Variants in PRKAR1A observed in about 807,000 individuals in gnomAD.
The protein encoded by PRKAR1A is cAMP-dependent protein kinase type I-alpha regulatory subunit.
In PRKAR1A, 3 loss-of-function variants were observed where a neutral mutation model predicts 52.0. That is an observed-to-expected ratio of 0.06 (90% CI 0.03 to 0.15). PRKAR1A has a LOEUF of 0.15. Among genes scored for constraint, PRKAR1A ranks in the 10% least tolerant of loss-of-function variants. The pLI, the probability that PRKAR1A is intolerant of heterozygous loss-of-function variation, is 1.00. For synonymous variants in PRKAR1A, 188 were observed against 168.4 expected, an observed-to-expected ratio of 1.12 and a Z score of -0.90; for missense variants, 240 against 477.4, an observed-to-expected ratio of 0.50 and a Z score of 4.63.
At chr17:68,534,431 T>C (rs2086050103), downstream of PRKAR1A, among the ~76,000 whole-genome samples, 1 of 152,228 alleles carries the variant, frequency 6.6e-6, no homozygotes, top group Non-Finnish European at 1.5e-5. Context: ...CACAGGGCTT[T>C]TGCAGACATG....
In PRKAR1A at chr17:68,548,974, T is replaced by C. The variant is rs979232136; in HGVS notation, c.974-2110T>C. ...GTCTTGATCTCCTGACCTCGTGATC[T>C]GCCCGCCTCAGCCTCCCAAAGTGCT... is the stretch of plus-strand genomic sequence containing the variant. On this transcript the variant is annotated intron_variant, in intron 11 of 11. Coordinates refer to the PRKAR1A transcript ENST00000585981. Among the ~76,000 whole-genome samples the C allele has an allele frequency of 2.6e-5, 4 of 151,864 alleles. No individual in the cohort carries two copies. In the East Asian group the frequency reaches 7.8e-4, roughly 30 times the overall value.
the PRKAR1A span, among the ~76,000 whole-genome samples, chr17:68,475,373 A>AAAGC: frequency 6.6e-6 from 1 of 152,268 alleles, no homozygotes; most frequent in Non-Finnish European, 1.5e-5. Context: ...CTGAACAAAG[A>AAAGC]AAGCAAGCAA....
At chr17:68,515,704 C>A in intron 2 of PRKAR1A, 128 bp downstream of exon 2, 1 of 1,176,956 alleles carries the variant, frequency 8.5e-7, no homozygotes. Context: ...AAAACAATTT[C>A]AAATAAGAAA....
At chr17:68,442,017 T>C in the PRKAR1A span, among the ~76,000 whole-genome samples, 144 of 152,324 alleles carry the variant, frequency 9.5e-4, 1 homozygote, top group African/African-American at 3.4e-3. Flanking sequence ...ATAAAATCGA[T>C]TCCCTTTACA....
chr17:68,525,640 C>A, intron 6 of PRKAR1A, 114 bp from the exon 7 acceptor site: 2 of 1,140,236 alleles, frequency 1.8e-6, no homozygotes, highest in Non-Finnish European at 2.6e-6. Context: ...ATAATATATT[C>A]TGTTTTTTAA....
At chr17:68,546,800 A>G (rs1404615439) in intron 11 of PRKAR1A, among the ~76,000 whole-genome samples, 1 of 146,996 alleles carries the variant, frequency 6.8e-6, no homozygotes, top group Non-Finnish European at 1.5e-5. Flanking sequence ...ACTGGACTCC[A>G]GCCTGGGCGA....
chr17:68,542,129 A>G (rs974443720), intron 11 of PRKAR1A: 2 of 1,614,110 alleles, frequency 1.2e-6, no homozygotes, highest in Non-Finnish European at 1.7e-6. Flanking sequence ...CGTCTTGCAC[A>G]TGTATGGACA....
At chr17:68,485,061 C>A in the PRKAR1A span, among the ~76,000 whole-genome samples, 6 of 152,208 alleles carry the variant, frequency 3.9e-5, no homozygotes, top group Admixed American at 6.5e-5. Context: ...ACTCAAAGAA[C>A]AACTTGAACT....
the PRKAR1A span, among the ~76,000 whole-genome samples, chr17:68,443,166 A>C: frequency 6.6e-6 from 1 of 152,146 alleles, no homozygotes; most frequent in Admixed American, 6.5e-5. Context: ...GCTGGAGTGC[A>C]GTGGTGCGAT....
At chr17:68,536,564 C>T (rs1002076214), downstream of PRKAR1A, 71 of 453,796 alleles carry the variant, frequency 1.6e-4, no homozygotes, top group Admixed American at 1.7e-3. Flanking sequence ...CTCACCTTTC[C>T]ACATAGCCCC....
At chr17:68,551,154 A>G in exon 12 of PRKAR1A, 1 of 1,230,854 alleles carries the variant, frequency 8.1e-7, no homozygotes, top group Non-Finnish European at 1.0e-6. Context: ...AGGAGACCCT[A>G]ACCTGTGGGC....
intron 1 of PRKAR1A, chr17:68,513,252 C>T (rs923173717): frequency 6.6e-6 from 1 of 152,198 alleles, no homozygotes; most frequent in East Asian, 1.9e-4. Flanking sequence ...TTTTCCTGCC[C>T]TTCTTCTAGA....
the PRKAR1A span, among the ~76,000 whole-genome samples, chr17:68,482,410 TAC>T: frequency 1.3e-5 from 2 of 152,174 alleles, no homozygotes; most frequent in African/African-American, 2.4e-5. Flanking sequence ...GGAATTCAAA[TAC>T]AGTTTCATCT....
At chr17:68,421,124 C>T in the PRKAR1A span, 1 of 154,462 alleles carries the variant, frequency 6.5e-6, no homozygotes, top group African/African-American at 2.4e-5. Flanking sequence ...AGGTCGTTTT[C>T]CAGATCTCAG....
At chr17:68,444,302 C>T in the PRKAR1A span, among the ~76,000 whole-genome samples, 1 of 152,200 alleles carries the variant, frequency 6.6e-6, no homozygotes, top group Non-Finnish European at 1.5e-5. Context: ...GGGCACACAG[C>T]CCCCCTGCAG....
In PRKAR1A at chr17:68,532,904, A is replaced by C. The variant is rs2086016155; in HGVS notation, c.*2455A>C. The stretch of plus-strand genomic sequence containing the variant: ...TCGGTGTTTTGAAAGAGCAATGTTT[A>C]TTTTCAGTGCTTTTCAGTTTGTCAA... On this transcript the variant is annotated 3_prime_UTR_variant, in exon 11 of 11. Coordinates refer to ENST00000589228, the MANE Select transcript of PRKAR1A (RefSeq NM_002734.5). 6 of 1,066,058 alleles carry C rather than the reference A, an allele frequency of 5.6e-6. No homozygotes were observed. The highest frequency in any genetic ancestry group is 6.8e-6 in the Non-Finnish European group (6 of 879,736). 66.0% of individuals were successfully genotyped at this position (1,066,058 alleles called of 1,614,324 possible). A position where few individuals can be genotyped will look rare whatever the true frequency, so the allele number is the denominator to read the frequency against.
chr17:68,501,410 C>A, the PRKAR1A span, among the ~76,000 whole-genome samples: 1 of 152,156 alleles, frequency 6.6e-6, no homozygotes, highest in Non-Finnish European at 1.5e-5. Flanking sequence ...GCATTCACTC[C>A]TATGGCGTTA....
chr17:68,548,934 G>T (rs377393126), intron 11 of PRKAR1A, among the ~76,000 whole-genome samples: 1 of 151,462 alleles, frequency 6.6e-6, no homozygotes, highest in South Asian at 2.1e-4. Flanking sequence ...GGGTTTCACC[G>T]TGTTAGCCAG....
chr17:68,465,507 A>C, the PRKAR1A span, among the ~76,000 whole-genome samples: 1 of 151,484 alleles, frequency 6.6e-6, no homozygotes, highest in South Asian at 2.1e-4. Flanking sequence ...CAGGCTGGAG[A>C]GCAGTGGTGT....
Sources: allele counts gnomAD v4.1 joint callset (sites outside exome capture counted in the v4.1 genomes callset), GRCh38; gene constraint gnomAD v4.1.1; transcripts MANE v1.5; gene names NCBI Gene and HGNC (gene_info 2026-07-23, HGNC 2026-07-21).